The following ITPR2 variants were observed in gnomAD, a reference collection of about 807,000 sequenced individuals.
The protein encoded by ITPR2 is inositol 1,4,5-trisphosphate-gated calcium channel ITPR2.
A neutral mutation model predicts 317.1 loss-of-function variants in ITPR2; 207 were observed. The ratio of observed to expected loss-of-function variants is 0.65; its 90% CI spans 0.58 to 0.73. The LOEUF (loss-of-function observed/expected upper bound fraction) is 0.73, where lower values mean the gene tolerates loss of function less well. Ranked by LOEUF, ITPR2 falls within the 30% of genes least tolerant of loss-of-function variation. ITPR2 has a pLI of 0.00. For synonymous variants in ITPR2, 1,156 were observed against 1,149.1 expected, an observed-to-expected ratio of 1.01 and a Z score of -0.12; for missense variants, 2,613 against 3,284.0, an observed-to-expected ratio of 0.80 and a Z score of 4.99.
At chr12:26,399,910 T>G (rs999738607) in intron 53 of ITPR2, among the ~76,000 whole-genome samples, 1 of 152,212 alleles carries the variant, frequency 6.6e-6, no homozygotes, top group African/African-American at 2.4e-5. Context: ...CAGATTAACT[T>G]GGAAACATTT....
At chr12:26,668,457 G>A (rs974445993) in intron 13 of ITPR2, among the ~76,000 whole-genome samples, 2 of 152,166 alleles carry the variant, frequency 1.3e-5, no homozygotes, top group African/African-American at 4.8e-5. Flanking sequence ...CTCAGCTCTC[G>A]ATATCAGATC....
intron 2 of ITPR2, 163 bp from the exon 3 acceptor site, chr12:26,725,928 C>T (rs1370130451): frequency 1.9e-6 from 1 of 518,734 alleles, no homozygotes; most frequent in African/African-American, 1.9e-5. Context: ...TCTATAACAT[C>T]CTTTTCAAAT....
chr12:26,372,590 A>T (rs1939218727), intron 55 of ITPR2, among the ~76,000 whole-genome samples: 1 of 152,190 alleles, frequency 6.6e-6, no homozygotes, highest in African/African-American at 2.4e-5. Flanking sequence ...CCTTCCATTA[A>T]CGCTCTTTCT....
chr12:26,516,617 TA>T (rs377162236), intron 37 of ITPR2, among the ~76,000 whole-genome samples: 391 of 152,246 alleles, frequency 2.6e-3, no homozygotes, highest in African/African-American at 8.0e-3. Context: ...AAAATCATTA[TA>T]AAAAAATTTT....
chr12:26,531,560 C>G (rs1210710792), intron 37 of ITPR2, among the ~76,000 whole-genome samples: 1 of 152,094 alleles, frequency 6.6e-6, no homozygotes, highest in Non-Finnish European at 1.5e-5. Context: ...CTCTTCACTT[C>G]CAGAATAATG....
intron 2 of ITPR2, among the ~76,000 whole-genome samples, chr12:26,772,100 C>A (rs1949854924): frequency 6.6e-6 from 1 of 151,894 alleles, no homozygotes; most frequent in Non-Finnish European, 1.5e-5. Context: ...ACTTTCATCT[C>A]AGTATTATAC....
At chr12:26,712,137 C>T (rs1405263590) in intron 8 of ITPR2, among the ~76,000 whole-genome samples, 1 of 152,150 alleles carries the variant, frequency 6.6e-6, no homozygotes, top group East Asian at 1.9e-4. Flanking sequence ...GGTATGACCA[C>T]AGAAAGGAAT....
intron 11 of ITPR2, among the ~76,000 whole-genome samples, chr12:26,683,381 C>T (rs1447766365): frequency 6.6e-6 from 1 of 152,096 alleles, no homozygotes; most frequent in Non-Finnish European, 1.5e-5. Flanking sequence ...CCATTTAGTG[C>T]CATGTTTTTC....
At chr12:26,472,926 G>A (rs780304715) in intron 45 of ITPR2, among the ~76,000 whole-genome samples, 4 of 151,476 alleles carry the variant, frequency 2.6e-5, no homozygotes, top group East Asian at 1.9e-4. Context: ...TTGCTCTATC[G>A]CCCAGGATGG....
chr12:26,728,457 C>T (rs1274912385), intron 2 of ITPR2, among the ~76,000 whole-genome samples: 1 of 152,176 alleles, frequency 6.6e-6, no homozygotes, highest in Non-Finnish European at 1.5e-5. Context: ...CCACAGGGGA[C>T]ATCTCATTTT....
chr12:26,556,562 TTTTTTGTG>T (rs1413295909), intron 35 of ITPR2, among the ~76,000 whole-genome samples, 187 bp from the exon 36 acceptor site: 10 of 99,202 alleles, frequency 1.0e-4, no homozygotes, highest in African/African-American at 3.2e-4. Context: ...CTCTATTTTT[TTTTTTGTG>T]TGTGTGTGTG....
At chr12:26,489,414 T>C (rs963309173) in intron 39 of ITPR2, among the ~76,000 whole-genome samples, 1 of 152,154 alleles carries the variant, frequency 6.6e-6, no homozygotes, top group South Asian at 2.1e-4. Flanking sequence ...TGGCTATTTC[T>C]AGAAAAGAGA....
chr12:26,786,425 C>T (rs571750585), intron 2 of ITPR2, among the ~76,000 whole-genome samples: 1,785 of 90,140 alleles, frequency 0.02, 63 homozygotes, highest in African/African-American at 0.08. Context: ...TCCCCCTCTG[C>T]GAGAAACACC....
intron 4 of ITPR2, 144 bp downstream of exon 4, chr12:26,724,512 C>A: frequency 1.5e-6 from 1 of 652,074 alleles, no homozygotes. Context: ...CAAATGAATA[C>A]ATCACAATAC....
At chr12:26,473,144 C>T (rs1291424444) in intron 45 of ITPR2, among the ~76,000 whole-genome samples, 2 of 152,218 alleles carry the variant, frequency 1.3e-5, no homozygotes, top group Non-Finnish European at 2.9e-5. Context: ...ACCTCAGCCT[C>T]CCAAAGTCTT....
chr12:26,785,034 C>T (rs1362787765), intron 2 of ITPR2, among the ~76,000 whole-genome samples: 3 of 28,844 alleles, frequency 1.0e-4, no homozygotes, highest in African/African-American at 1.6e-4. Context: ...GCCCGGCCGC[C>T]CCGTCTGAGA....
At position 26,657,812 on chromosome 12, in the gene ITPR2, T is replaced by C. The variant is rs1263319581; in HGVS notation, c.2087A>G (p.Tyr696Cys). Residue 696 changes from tyrosine (Y) to cysteine (C), a missense_variant, in exon 18 of 57, where the codon TAT becomes TGT. This residue lies in a region of ITPR2 where 817 missense variants were observed against 897.6 expected (regional missense o/e 0.91). Coordinates refer to ENST00000381340, the MANE Select transcript of ITPR2 (RefSeq NM_002223.4). ...DDIDDEEVWL[Y>C]WIDSNKEPHG... Reference sequence around the variant, plus strand: ...AGGTTCCTTGTTGCTGTCAATCCAATAGAGCCAAACTTCTTCATCATCAAT... The same window carrying C: ...AGGTTCCTTGTTGCTGTCAATCCAACAGAGCCAAACTTCTTCATCATCAAT... The C allele has an allele frequency of 1.2e-6, 2 of 1,614,054 alleles. No homozygotes were observed. Among genetic ancestry groups the C allele is most frequent in the Admixed American group, 1.7e-5 (1 of 60,002 alleles).
chr12:26,710,735 T>TC (rs1948630434), intron 9 of ITPR2, among the ~76,000 whole-genome samples: 1 of 152,200 alleles, frequency 6.6e-6, no homozygotes, highest in Admixed American at 6.5e-5. Context: ...AACATTTTCC[T>TC]TCCCAATGAT....
At chr12:26,723,847 G>C (rs1948877223) in intron 4 of ITPR2, among the ~76,000 whole-genome samples, 1 of 152,092 alleles carries the variant, frequency 6.6e-6, no homozygotes, top group South Asian at 2.1e-4. Context: ...CCTATTCCTG[G>C]GAACAGTTGT....
Sources: allele counts gnomAD v4.1 joint callset (sites outside exome capture counted in the v4.1 genomes callset), GRCh38; gene constraint gnomAD v4.1.1; regional missense constraint gnomAD v4.1.1; transcripts MANE v1.5; gene names NCBI Gene and HGNC (gene_info 2026-07-23, HGNC 2026-07-21).